Variants in TRPM3 observed in about 807,000 individuals in gnomAD.
TRPM3 encodes the protein transient receptor potential cation channel subfamily M member 3.
TRPM3 carries 77 observed loss-of-function variants against 181.2 expected under a neutral mutation model. The observed-to-expected ratio is 0.42, with a 90% CI of 0.35 to 0.51. The LOEUF (loss-of-function observed/expected upper bound fraction) is 0.51, where lower values mean the gene tolerates loss of function less well. Among genes scored for constraint, TRPM3 ranks in the 20% least tolerant of loss-of-function variants. The pLI, the probability that TRPM3 is intolerant of heterozygous loss-of-function variation, is 0.01. For missense variants in TRPM3, 1,759 were observed against 2,196.7 expected (o/e 0.80, Z 3.98); for synonymous variants, 745 against 796.4 (o/e 0.94, Z 1.09).
At chr9:70,814,744 G>A (rs1216384400) in intron 6 of TRPM3, among the ~76,000 whole-genome samples, 2 of 152,002 alleles carry the variant, frequency 1.3e-5, no homozygotes, top group African/African-American at 4.8e-5. Context: ...CACAGCTGTG[G>A]GGGCACTTGA....
At chr9:70,658,859 G>C (rs964509983) in intron 9 of TRPM3, among the ~76,000 whole-genome samples, 3 of 152,000 alleles carry the variant, frequency 2.0e-5, no homozygotes, top group African/African-American at 7.2e-5. Flanking sequence ...AGCAGAACAG[G>C]AATTAACAGC....
chr9:71,397,204 GCTA>G (rs1488981626), intron 1 of TRPM3, among the ~76,000 whole-genome samples: 2 of 152,114 alleles, frequency 1.3e-5, no homozygotes, highest in African/African-American at 2.4e-5. Context: ...CATTTTTGCA[GCTA>G]CTATTATACT....
intron 1 of TRPM3, among the ~76,000 whole-genome samples, chr9:71,007,758 A>C (rs566733532): frequency 4.5e-4 from 68 of 152,282 alleles, no homozygotes; most frequent in African/African-American, 1.6e-3. Flanking sequence ...CAGCAAATGA[A>C]AATGGAATAC....
intron 1 of TRPM3, among the ~76,000 whole-genome samples, chr9:70,935,981 ACTCCCTTCAAACACTTTC>A (rs953492416): frequency 1.3e-5 from 2 of 151,960 alleles, no homozygotes; most frequent in South Asian, 2.1e-4. Flanking sequence ...AATACACTTT[ACTCCCTTCAAACACTTTC>A]CTCCCTTCAA....
At chr9:70,866,572 G>T (rs1026628927) in intron 1 of TRPM3, among the ~76,000 whole-genome samples, 6 of 152,072 alleles carry the variant, frequency 3.9e-5, no homozygotes, top group Non-Finnish European at 1.5e-5. Flanking sequence ...AGAGAGACCT[G>T]TCCAGGGTTG....
At chr9:71,317,925 A>C (rs577072399) in intron 1 of TRPM3, among the ~76,000 whole-genome samples, 43 of 152,246 alleles carry the variant, frequency 2.8e-4, no homozygotes, top group African/African-American at 1.0e-3. Flanking sequence ...TCCTAGAAAA[A>C]GTACAGGCAG....
intron 1 of TRPM3, among the ~76,000 whole-genome samples, chr9:71,184,019 C>G (rs1401107233): frequency 6.6e-6 from 1 of 152,126 alleles, no homozygotes; most frequent in Non-Finnish European, 1.5e-5. Context: ...CCGCATCTCT[C>G]ACACCCTTGC....
chr9:71,197,384 C>T (rs1302517934), intron 1 of TRPM3, among the ~76,000 whole-genome samples: 1 of 151,944 alleles, frequency 6.6e-6, no homozygotes, highest in Non-Finnish European at 1.5e-5. Context: ...GGGTATATAC[C>T]CAATAATGGG....
At chr9:71,392,452 G>C (rs1026577107) in intron 1 of TRPM3, among the ~76,000 whole-genome samples, 5 of 152,068 alleles carry the variant, frequency 3.3e-5, no homozygotes, top group Non-Finnish European at 5.9e-5. Context: ...CTTCGAATTG[G>C]ATAACTTGAA....
At position 70,621,288 on chromosome 9, in the gene TRPM3, GT is replaced by G; in HGVS notation, c.1810-16del. 1 of 1,593,532 alleles carries G rather than the reference GT, an allele frequency of 6.3e-7. No individual in the cohort carries two copies. Among genetic ancestry groups the G allele is most frequent in the Non-Finnish European group, 8.6e-7 (1 of 1,168,724 alleles). On this transcript the variant is annotated splice_polypyrimidine_tract_variant and intron_variant, in intron 14 of 25. Transcript: ENST00000677713. ...AAGGCTTTGGGCTGTTAAAAAAAAC[GT>G]TGTGAACAAAGTTAGATCAGTTAGA...
chr9:71,260,519 A>G (rs2309911), intron 1 of TRPM3, among the ~76,000 whole-genome samples: 147,999 of 152,298 alleles, frequency 0.97, 71,998 homozygotes, highest in East Asian at 1. Context: ...CATGAGCATG[A>G]AATGTTTTTC....
At chr9:70,549,414 C>T in intron 25 of TRPM3, 128 bp downstream of exon 25, 2 of 1,250,444 alleles carry the variant, frequency 1.6e-6, no homozygotes, top group Non-Finnish European at 2.2e-6. Flanking sequence ...CTCATAAGCT[C>T]CATGATTTCT....
intron 1 of TRPM3, among the ~76,000 whole-genome samples, chr9:71,378,583 G>C (rs376343397): frequency 6.6e-6 from 1 of 151,992 alleles, no homozygotes; most frequent in South Asian, 2.1e-4. Context: ...ACCAAGTTCT[G>C]AGGATAAAGG....
chr9:70,771,047 A>T (rs2080153806), intron 7 of TRPM3, among the ~76,000 whole-genome samples: 1 of 152,156 alleles, frequency 6.6e-6, no homozygotes, highest in Non-Finnish European at 1.5e-5. Context: ...CTCTTGGATC[A>T]TATTCATCAA....
At chr9:70,813,553 T>C (rs1195455934) in intron 6 of TRPM3, among the ~76,000 whole-genome samples, 1 of 151,960 alleles carries the variant, frequency 6.6e-6, no homozygotes, top group African/African-American at 2.4e-5. Flanking sequence ...TATTGAGTAC[T>C]GTGTTCATTA....
chr9:71,282,962 C>A (rs1021439116), intron 1 of TRPM3, among the ~76,000 whole-genome samples: 5 of 152,172 alleles, frequency 3.3e-5, no homozygotes, highest in Non-Finnish European at 1.5e-5. Context: ...TTCTTTCCTC[C>A]TTTCTAGTGC....
chr9:71,275,700 T>C (rs1267100219), intron 1 of TRPM3, among the ~76,000 whole-genome samples: 1 of 152,206 alleles, frequency 6.6e-6, no homozygotes, highest in African/African-American at 2.4e-5. Flanking sequence ...TAGATAGGTA[T>C]TGGAGTAGTG....
At chr9:70,559,409 G>GA (rs1285170828) in intron 22 of TRPM3, among the ~76,000 whole-genome samples, 1 of 152,128 alleles carries the variant, frequency 6.6e-6, no homozygotes, top group East Asian at 1.9e-4. Context: ...CTGACAGAGG[G>GA]AAAAAATAGA....
chr9:71,094,126 C>G (rs2133945473), intron 1 of TRPM3, among the ~76,000 whole-genome samples: 1 of 151,772 alleles, frequency 6.6e-6, no homozygotes, highest in Admixed American at 6.6e-5. Context: ...AGCATTAGGA[C>G]AAATACCTAA....
Sources: allele counts gnomAD v4.1 joint callset (sites outside exome capture counted in the v4.1 genomes callset), GRCh38; gene constraint gnomAD v4.1.1; transcripts MANE v1.5; gene names NCBI Gene and HGNC (gene_info 2026-07-23, HGNC 2026-07-21).